The following RHCE variants were observed in gnomAD, a reference collection of about 807,000 sequenced individuals.
RHCE encodes Rh blood group CcEe antigens.
RHCE carries 22 observed loss-of-function variants against 43.8 expected under a neutral mutation model. The observed-to-expected ratio is 0.50, with a 90% CI of 0.36 to 0.72. The LOEUF (loss-of-function observed/expected upper bound fraction) is 0.72. RHCE is among the 30% of genes least tolerant of loss of function. The probability of loss-of-function intolerance (pLI) is 0.00; values close to 1 mark genes in which losing one functional copy is unlikely to be tolerated. For missense variants in RHCE, 385 were observed against 525.4 expected, an observed-to-expected ratio of 0.73 and a Z score of 2.61; for synonymous variants, 156 against 210.7, an observed-to-expected ratio of 0.74 and a Z score of 2.25.
At chr1:25,380,875 T>C (rs867897411) in intron 7 of RHCE, among the ~76,000 whole-genome samples, 39 of 151,796 alleles carry the variant, frequency 2.6e-4, no homozygotes, top group Middle Eastern at 6.8e-3. Context: ...GGCTTTGTTC[T>C]ATGTGTACTA....
At chr1:25,429,221 G>GTTTTTTTTTTTTTTTTTTTTTTTT in intron 1 of RHCE, among the ~76,000 whole-genome samples, 1 of 112,386 alleles carries the variant, frequency 8.9e-6, no homozygotes, top group African/African-American at 3.5e-5. Flanking sequence ...TTCCTGGGAA[G>GTTTTTTTTTTTTTTTTTTTTTTTT]TTTTTTTTTT....
rs181860403 is a variant in RHCE, at chr1:25,408,840, G to T, written c.178C>A (p.Leu60Ile). 9.0e-5 allele frequency: 115 copies of T among 1,283,276 alleles called. 34 individuals carry two copies. Among genetic ancestry groups the T allele is most frequent in the Non-Finnish European group, 1.0e-4 (100 of 962,972 alleles). The allele number at this position is 1,283,276 out of a possible 1,614,324, so 79.5% of individuals were successfully genotyped here. A position where few individuals can be genotyped will look rare whatever the true frequency, so the allele number is the denominator to read the frequency against. The change falls in exon 2 of 10, where the codon CTT (leucine) becomes ATT (isoleucine). Residue 60 changes from leucine to isoleucine, a missense_variant. Leu to Ile is a conservative substitution (Grantham distance 5). Transcript: ENST00000294413. ...VGQDLTVMAA[L>I]GLGFLTSNFR... is the part of the protein sequence containing the mutation. ...TTTGAGGTGAGGAAGCCCAAGCCAAGGGCCGCCATCACGGTCAGATCTTGG... is the reference window on the plus strand; with the variant it reads ...TTTGAGGTGAGGAAGCCCAAGCCAATGGCCGCCATCACGGTCAGATCTTGG...
rs776617226 is a variant in RHCE, at chr1:25,402,751, G to T, written c.336-5C>A. On this transcript the variant is annotated splice_polypyrimidine_tract_variant and splice_region_variant and intron_variant, in intron 2 of 9. Transcript: ENST00000294413. ...CTCATGGTGGCCAGCCGAATACTGG[G>T]GGTGAGAAGGAGAGCCAGGATGACT... 2.5e-6 allele frequency: 4 copies of T among 1,614,160 alleles called. No individual in the cohort carries two copies. The highest frequency in any genetic ancestry group is 2.2e-5 in the South Asian group (2 of 91,082).
intron 2 of RHCE, among the ~76,000 whole-genome samples, chr1:25,426,702 T>C (rs1484208867): frequency 6.6e-6 from 1 of 152,250 alleles, no homozygotes; most frequent in East Asian, 1.9e-4. Context: ...TGTGATAAAG[T>C]GTTTGGTCAG....
At chr1:25,384,939 A>G (rs1178181927) in intron 7 of RHCE, among the ~76,000 whole-genome samples, 1 of 152,238 alleles carries the variant, frequency 6.6e-6, no homozygotes, top group East Asian at 1.9e-4. Flanking sequence ...ACAGTAGTAA[A>G]TGTTATCAGT....
chr1:25,407,938 C>A lies in RHCE; in HGVS notation c.335+745G>T, dbSNP rs1481302832. ...ACAGGTAATTTAATGAAAATAAAGG[C>A]ATGGCTATTTCTTGTCTAGTAGCTT... On this transcript the variant is annotated intron_variant, in intron 2 of 9. Transcript: ENST00000294413. Among the ~76,000 whole-genome samples the A allele has an allele frequency of 1.6e-5, 2 of 123,666 alleles. 1 individual carries two copies. The highest frequency in any genetic ancestry group is 3.7e-5 in the Non-Finnish European group (2 of 54,216). 81.1% of individuals were successfully genotyped at this position (123,666 alleles called of 152,430 possible).
upstream of RHCE, among the ~76,000 whole-genome samples, chr1:25,422,883 C>A (rs576353165): frequency 6.6e-6 from 1 of 152,150 alleles, no homozygotes; most frequent in Non-Finnish European, 1.5e-5. Context: ...CCCTCTCATG[C>A]GCGGTTCCCA....
At chr1:25,425,920 G>A (rs181862075) in intron 2 of RHCE, among the ~76,000 whole-genome samples, 8 of 152,334 alleles carry the variant, frequency 5.3e-5, no homozygotes, top group Non-Finnish European at 1.0e-4. Flanking sequence ...TAAGTCAGTC[G>A]TTCATTGATT....
At chr1:25,380,696 C>T (rs2124371348) in intron 7 of RHCE, among the ~76,000 whole-genome samples, 1 of 152,242 alleles carries the variant, frequency 6.6e-6, no homozygotes, top group Admixed American at 6.5e-5. Context: ...CTGAGGAATG[C>T]TGCACCAGAA....
intron 3 of RHCE, among the ~76,000 whole-genome samples, chr1:25,401,030 T>G (rs1646722562): frequency 6.6e-6 from 1 of 152,178 alleles, no homozygotes; most frequent in Admixed American, 6.5e-5. Context: ...TCTTGCCCCT[T>G]CAGTCTTTTC....
At chr1:25,379,500 T>A (rs1435472123) in intron 7 of RHCE, among the ~76,000 whole-genome samples, 147 of 36,258 alleles carry the variant, frequency 4.1e-3, no homozygotes, top group African/African-American at 0.036. Flanking sequence ...TATATATTTT[T>A]TTTTTTTTTT....
At position 25,392,024 on chromosome 1, in the gene RHCE, C is replaced by G; in HGVS notation, c.604G>C (p.Ala202Pro). 1 of 1,614,184 alleles carries G rather than the reference C, an allele frequency of 6.2e-7. No individual in the cohort carries two copies. The highest frequency in any genetic ancestry group is 1.1e-5 in the South Asian group (1 of 91,088). Residue 202 changes from alanine to proline, a missense_variant, in exon 4 of 10, where the codon GCA becomes CCA. Ala to Pro is a conservative substitution (Grantham distance 27). Coordinates refer to ENST00000294413, the MANE Select transcript of RHCE (RefSeq NM_020485.8). ...PKGTEDNDQR[A>P]TIPSLSAMLG... ...ATGGCAGACAAACTGGGTATCGTTGCTCTCTGATCATTATCCTCCGTTCCC... is the reference window on the plus strand; with the variant it reads ...ATGGCAGACAAACTGGGTATCGTTGGTCTCTGATCATTATCCTCCGTTCCC...
chr1:25,392,153 C>T lies in RHCE; in HGVS notation c.487-12G>A. ...ATGTGGTAGTCTGTCTGCAATAAAA[C>T]CCAGTAAGAGCAGTGAGTGTCGGCA... On this transcript the variant is annotated splice_polypyrimidine_tract_variant and intron_variant, in intron 3 of 9. Transcript: ENST00000294413. The T allele has an allele frequency of 3.7e-6, 6 of 1,614,116 alleles. No homozygotes were observed. Among genetic ancestry groups the T allele is most frequent in the Non-Finnish European group, 2.5e-6 (3 of 1,180,006 alleles).
intron 3 of RHCE, among the ~76,000 whole-genome samples, chr1:25,400,375 C>G (rs1242231627): frequency 1.3e-5 from 2 of 151,978 alleles, no homozygotes; most frequent in African/African-American, 2.4e-5. Context: ...CAGCATTCAG[C>G]CCACCTGGGG....
chr1:25,371,560 A>G (rs1361750402), intron 8 of RHCE, among the ~76,000 whole-genome samples: 1 of 151,086 alleles, frequency 6.6e-6, no homozygotes, highest in Non-Finnish European at 1.5e-5. Context: ...TTTTGCAGAG[A>G]CGGGGTTTAG....
intron 7 of RHCE, among the ~76,000 whole-genome samples, chr1:25,379,523 A>G (rs1259500845): frequency 9.7e-5 from 9 of 92,312 alleles, no homozygotes; most frequent in African/African-American, 3.2e-4. Context: ...TTTTTTTTTA[A>G]AGATGGGATT....
Position 25,370,559 on chromosome 1 carries a change from T to C in RHCE, c.1154-19A>G. ...AGCAAACCTGTTTAAATGCATAATTTAATGTTAAAAGATTTGGAGCACAGG... is the reference window on the plus strand; with the variant it reads ...AGCAAACCTGTTTAAATGCATAATTCAATGTTAAAAGATTTGGAGCACAGG... On this transcript the variant is annotated intron_variant, in intron 8 of 9. Coordinates refer to ENST00000294413, the MANE Select transcript of RHCE (RefSeq NM_020485.8). 1 of 1,590,940 alleles carries C rather than the reference T, an allele frequency of 6.3e-7. No homozygotes were observed. The highest frequency in any genetic ancestry group is 8.6e-7 in the Non-Finnish European group (1 of 1,160,398).
At chr1:25,404,811 G>C (rs1374359075) in intron 2 of RHCE, among the ~76,000 whole-genome samples, 1 of 151,162 alleles carries the variant, frequency 6.6e-6, no homozygotes, top group Non-Finnish European at 1.5e-5. Flanking sequence ...AAAGTGAGTT[G>C]ATATACGTCA....
intron 3 of RHCE, among the ~76,000 whole-genome samples, chr1:25,397,514 C>T (rs630337): frequency 0.54 from 78,052 of 143,566 alleles, 20,328 homozygotes; most frequent in African/African-American, 0.72. Context: ...AAAAAAAAAA[C>T]TTCCCATATT....
Sources: gnomAD v4.1 joint callset for allele counts (sites outside exome capture counted in the v4.1 genomes callset) on GRCh38, gnomAD v4.1.1 for gene constraint, MANE v1.5 for transcripts, NCBI Gene and HGNC (gene_info 2026-07-23, HGNC 2026-07-21) for gene names.